Variants in LIPH observed in about 807,000 individuals in gnomAD.
LIPH encodes the protein lipase H, also known as lipase member H.
A neutral mutation model predicts 47.6 loss-of-function variants in LIPH; 32 were observed. The ratio of observed to expected loss-of-function variants is 0.67; its 90% confidence interval spans 0.51 to 0.90. The LOEUF is 0.90. Ranked by LOEUF, LIPH falls within the 40% of genes least tolerant of loss-of-function variation. The pLI, the probability that LIPH is intolerant of heterozygous loss-of-function variation, is 0.00. For missense variants in LIPH, 497 were observed against 541.4 expected (o/e 0.92, Z 0.81); for synonymous variants, 190 against 195.6 (o/e 0.97, Z 0.24).
chr3:185,516,323 C>T (rs115110838), intron 7 of LIPH, among the ~76,000 whole-genome samples: 17,802 of 152,084 alleles, frequency 0.12, 1,278 homozygotes, highest in East Asian at 0.21. Context: ...GTCTCAGGTA[C>T]TCGGAATCCT....
chr3:185,535,124 C>A lies in LIPH; in HGVS notation c.58G>T (p.Glu20Ter), dbSNP rs1414685441. Residue 20 changes from glutamate to a stop codon, truncating the protein, a stop_gained, in exon 2 of 10, where the codon GAA becomes TAA. Coordinates refer to ENST00000296252, the MANE Select transcript of LIPH (RefSeq NM_139248.3). LOFTEE classifies it high-confidence loss of function. The stretch of plus-strand genomic sequence containing the variant: ...AGCCTGGTGAATGAAGGACATGTTT[C>A]TTCTGCGTCTGAAAATAAAAATTAG... ...LLCLSRSDAE[E>*]TCPSFTRLSF... is the part of the protein sequence containing the mutation. 3 of 1,613,948 alleles carry A rather than the reference C, an allele frequency of 1.9e-6. No homozygotes were observed. The highest frequency in any genetic ancestry group is 2.5e-6 in the Non-Finnish European group (3 of 1,180,032).
intron 1 of LIPH, among the ~76,000 whole-genome samples, chr3:185,540,307 C>T (rs1487832967): frequency 1.3e-5 from 2 of 152,122 alleles, no homozygotes; most frequent in African/African-American, 4.8e-5. Context: ...ATGGATTGTC[C>T]TCATGTTTTT....
chr3:185,551,673 A>C (rs1721052419), intron 1 of LIPH, among the ~76,000 whole-genome samples: 1 of 152,134 alleles, frequency 6.6e-6, no homozygotes, highest in Non-Finnish European at 1.5e-5. Flanking sequence ...TACTAGCTTA[A>C]AGTATATGAA....
At chr3:185,515,982 CAGTT>C (rs1446302471) in intron 7 of LIPH, among the ~76,000 whole-genome samples, 1 of 152,066 alleles carries the variant, frequency 6.6e-6, no homozygotes, top group Non-Finnish European at 1.5e-5. Context: ...ACAAAAAAAA[CAGTT>C]AGCTGGGCAT....
intron 1 of LIPH, among the ~76,000 whole-genome samples, chr3:185,541,039 T>A (rs73885747): frequency 2.3e-3 from 352 of 152,322 alleles, no homozygotes; most frequent in African/African-American, 8.2e-3. Flanking sequence ...TTGTTATATG[T>A]GACGAGGACA....
At chr3:185,541,031 G>C (rs1720693094) in intron 1 of LIPH, among the ~76,000 whole-genome samples, 1 of 152,128 alleles carries the variant, frequency 6.6e-6, no homozygotes. Flanking sequence ...ATGTTTCTTT[G>C]TTATATGTGA....
intron 7 of LIPH, 33 bp from the exon 8 acceptor site, chr3:185,514,554 A>C (rs1456428887): frequency 1.2e-6 from 1 of 843,246 alleles, no homozygotes; most frequent in East Asian, 2.4e-5. Context: ...GGTAAGAGAG[A>C]GATACTACCA....
chr3:185,525,268 C>G (rs2148953408), intron 4 of LIPH, among the ~76,000 whole-genome samples: 1 of 152,142 alleles, frequency 6.6e-6, no homozygotes, highest in African/African-American at 2.4e-5. Context: ...TAACTGTTTA[C>G]TGTCTTTATT....
In LIPH at chr3:185,508,659, G is replaced by A; in HGVS notation, c.*131C>T. On this transcript the variant is annotated 3_prime_UTR_variant, in exon 10 of 10. Coordinates refer to ENST00000296252, the MANE Select transcript of LIPH (RefSeq NM_139248.3). ...TTTGATGTACAATGTGACATCCATA[G>A]GACGCTACTGAAAAAAGCCTTGGTT... The A allele has an allele frequency of 1.4e-6, 1 of 719,594 alleles. No individual in the cohort carries two copies. Among genetic ancestry groups the A allele is most frequent in the Non-Finnish European group, 2.5e-6 (1 of 392,336 alleles). The allele number at this position is 719,594 out of a possible 1,614,324, so 44.6% of individuals were successfully genotyped here.
intron 3 of LIPH, among the ~76,000 whole-genome samples, chr3:185,530,875 A>G (rs961148910): frequency 1.3e-5 from 2 of 152,096 alleles, no homozygotes; most frequent in African/African-American, 4.8e-5. Flanking sequence ...CTCAAAAATA[A>G]ATAAATAAAT....
chr3:185,519,810 C>A (rs1719844762), intron 5 of LIPH, among the ~76,000 whole-genome samples: 1 of 128,428 alleles, frequency 7.8e-6, no homozygotes, highest in Admixed American at 9.8e-5. Context: ...GCACTCCAGC[C>A]TGGGCAACAG....
intron 5 of LIPH, 102 bp from the exon 6 acceptor site, chr3:185,519,411 C>T: frequency 1.3e-6 from 1 of 780,102 alleles, no homozygotes; most frequent in Non-Finnish European, 2.3e-6. Flanking sequence ...TGGCCCTGCG[C>T]TCTTTCAGTG....
In LIPH at chr3:185,537,376, G is replaced by A. The variant is rs181094572; in HGVS notation, c.50-2244C>T. ...GGTTAATGTTGAACCTCAAATGCGC[G>A]CGTTCCTCCTTTTACTCTGCTTCAT... On this transcript the variant is annotated intron_variant, in intron 1 of 9. Coordinates refer to ENST00000296252, the MANE Select transcript of LIPH (RefSeq NM_139248.3). 1.2e-4 allele frequency among the ~76,000 whole-genome samples: 18 copies of A among 152,112 alleles called. No individual in the cohort carries two copies. The East Asian group carries it at 2.7e-3, about 23-fold the overall frequency.
At chr3:185,545,289 G>A (rs533967942) in intron 1 of LIPH, among the ~76,000 whole-genome samples, 1 of 152,282 alleles carries the variant, frequency 6.6e-6, no homozygotes, top group Admixed American at 6.5e-5. Flanking sequence ...CCTATTTAGA[G>A]CAGGCATGAT....
Position 185,533,496 on chromosome 3 carries a change from G to A in LIPH, c.526+75C>T. 2.1e-6 allele frequency: 2 copies of A among 945,424 alleles called. 1 individual carries two copies. Among genetic ancestry groups the A allele is most frequent in the South Asian group, 2.6e-5 (2 of 77,864 alleles). The allele number at this position is 945,424 out of a possible 1,614,324, so 58.6% of individuals were successfully genotyped here. On this transcript the variant is annotated intron_variant, in intron 3 of 9. Coordinates refer to ENST00000296252, the MANE Select transcript of LIPH (RefSeq NM_139248.3). ...AGCTGGCTTTGAACCCAAGGAGTTG[G>A]ATTGGCCTACATAATACTCCCCCAG...
chr3:185,527,838 G>T (rs577938249), intron 3 of LIPH, among the ~76,000 whole-genome samples: 1 of 150,012 alleles, frequency 6.7e-6, no homozygotes, highest in Non-Finnish European at 1.5e-5. Flanking sequence ...GTCATGCAGA[G>T]CTCAACAGTA....
chr3:185,538,983 T>G (rs1428982113), intron 1 of LIPH, among the ~76,000 whole-genome samples: 1 of 150,876 alleles, frequency 6.6e-6, no homozygotes, highest in African/African-American at 2.4e-5. Context: ...TTTTATTTTA[T>G]TTTTTTGAGA....
rs75998800 is a variant in LIPH at position 185,529,347 on chromosome 3, C to T, written c.527-1762G>A. On this transcript the variant is annotated intron_variant, in intron 3 of 9. Transcript: ENST00000296252. ...ATGAATGTCATTTTATATCTCCTAT[C>T]CCCTGGTGTTACATATAAAATGCAA... Among the ~76,000 whole-genome samples, 1,000 of 150,666 alleles carry T rather than the reference C, an allele frequency of 6.6e-3. 15 individuals are homozygous for T. Among genetic ancestry groups the T allele is most frequent in the African/African-American group, 0.023 (939 of 41,260 alleles).
intron 5 of LIPH, among the ~76,000 whole-genome samples, chr3:185,519,713 G>C (rs1719841153): frequency 6.6e-6 from 1 of 151,726 alleles, no homozygotes; most frequent in African/African-American, 2.4e-5. Context: ...GTGGGCACCT[G>C]TAGTCCCAAC....
Sources: allele counts gnomAD v4.1 joint callset (sites outside exome capture counted in the v4.1 genomes callset), GRCh38; gene constraint gnomAD v4.1.1; transcripts MANE v1.5; gene names NCBI Gene and HGNC (gene_info 2026-07-23, HGNC 2026-07-21).